The following SORL1 variants were observed in gnomAD, a reference collection of about 807,000 sequenced individuals.
SORL1 encodes the protein sortilin related receptor 1.
Under a neutral mutation model 273.7 loss-of-function variants are expected in SORL1, and 127 were observed. That is an observed-to-expected ratio of 0.46 (90% confidence interval 0.40 to 0.54). The LOEUF (loss-of-function observed/expected upper bound fraction) is 0.54, where lower values mean the gene tolerates loss of function less well. Among genes scored for constraint, SORL1 ranks in the 20% least tolerant of loss-of-function variants. SORL1 has a pLI of 0.00. For missense variants in SORL1, 2,494 were observed against 2,846.1 expected (o/e 0.88, Z 2.81); for synonymous variants, 1,031 against 1,067.4 (o/e 0.97, Z 0.66).
chr11:121,560,910 C>T (rs1406107663), intron 21 of SORL1, among the ~76,000 whole-genome samples: 1 of 152,130 alleles, frequency 6.6e-6, no homozygotes, highest in Non-Finnish European at 1.5e-5. Context: ...CCTTTTGTTG[C>T]AATTCTGCCG....
chr11:121,621,398 A>G (rs1863721947), intron 44 of SORL1, among the ~76,000 whole-genome samples, 160 bp downstream of exon 44: 1 of 152,242 alleles, frequency 6.6e-6, no homozygotes, highest in Non-Finnish European at 1.5e-5. Flanking sequence ...CAGAGGCTCC[A>G]GGGTCTGAGC....
rs144747223 is a variant in SORL1, at chr11:121,619,795, G to A, written c.5767G>A (p.Val1923Ile). 4.1e-5 allele frequency: 66 copies of A among 1,614,076 alleles called. 1 individual carries two copies. In the South Asian group the frequency reaches 6.1e-4, roughly 15 times the overall value. The change falls in exon 43 of 48, where the codon GTT (valine) becomes ATT (isoleucine). Residue 1923 changes from valine (V) to isoleucine (I), a missense_variant. Val to Ile is a conservative substitution (Grantham distance 29). Around this residue, in one of 3 missense-constraint regions of SORL1, gnomAD observed 1,609 missense variants for 1,816.4 expected, o/e 0.89. Coordinates refer to ENST00000260197, the MANE Select transcript of SORL1 (RefSeq NM_003105.6). ...CTACCAGGGGCCATCCTCTGACTACGTTGTAGTGAAGATGATCCCGGACAG... is the reference window on the plus strand; with the variant it reads ...CTACCAGGGGCCATCCTCTGACTACATTGTAGTGAAGATGATCCCGGACAG... ...VPYQGPSSDY[V>I]VVKMIPDSRL...
intron 41 of SORL1, among the ~76,000 whole-genome samples, chr11:121,616,957 A>C (rs1183847475): frequency 1.3e-5 from 2 of 152,206 alleles, no homozygotes. Flanking sequence ...AGGACAACTC[A>C]AAGTGGGCAT....
At chr11:121,486,355 G>A (rs893866221) in intron 3 of SORL1, among the ~76,000 whole-genome samples, 2 of 152,142 alleles carry the variant, frequency 1.3e-5, no homozygotes, top group East Asian at 3.8e-4. Flanking sequence ...CCTCAAGACT[G>A]TCACTGGGTG....
Position 121,589,401 on chromosome 11 carries a change from C to T in SORL1, c.4078+11C>T. 6.2e-7 allele frequency: 1 copy of T among 1,612,300 alleles called. No homozygotes were observed. The highest frequency in any genetic ancestry group is 8.5e-7 in the Non-Finnish European group (1 of 1,178,514). ...ATGAAGCCAACTGCGGTAAGATGTC[C>T]AGTCTGCCTCCTCACATCCTAATCC... is the stretch of plus-strand genomic sequence containing the variant. On this transcript the variant is annotated intron_variant, in intron 29 of 47. Coordinates refer to ENST00000260197, the MANE Select transcript of SORL1 (RefSeq NM_003105.6).
chr11:121,541,454 T>C (rs1459761312), intron 12 of SORL1, among the ~76,000 whole-genome samples: 9 of 152,166 alleles, frequency 5.9e-5, no homozygotes, highest in Non-Finnish European at 1.0e-4. Context: ...AAAAGATCCT[T>C]CTGCCTTGGC....
chr11:121,470,357 T>G (rs1004264534), intron 2 of SORL1, among the ~76,000 whole-genome samples: 1 of 152,192 alleles, frequency 6.6e-6, no homozygotes, highest in African/African-American at 2.4e-5. Flanking sequence ...TGGGAAGTAA[T>G]AGCATATGGA....
rs569170711 is a variant in SORL1 at position 121,573,111 on chromosome 11, G to A, written c.3338-1130G>A. On this transcript the variant is annotated intron_variant, in intron 23 of 47. Transcript: ENST00000260197. ...CACAGGAAATATCTACTTAGGAGAG[G>A]AAGAAAAATCTAATTCTGTATCCAT... Among the ~76,000 whole-genome samples the A allele has an allele frequency of 1.2e-4, 18 of 152,288 alleles. No individual in the cohort carries two copies. In the South Asian group the frequency reaches 3.5e-3, roughly 30 times the overall value.
In SORL1 at chr11:121,555,333, G is replaced by T. The variant is rs6589885; in HGVS notation, c.2571+15G>T. The T allele has an allele frequency of 6.2e-7, 1 of 1,612,578 alleles. No individual in the cohort carries two copies. Among genetic ancestry groups the T allele is most frequent in the Non-Finnish European group, 8.5e-7 (1 of 1,179,030 alleles). The stretch of plus-strand genomic sequence containing the variant: ...AAAAGATTGAGGTATGTGTATTTTC[G>T]TGCTGTTCTTAATTAAGGGAGCAGG... On this transcript the variant is annotated intron_variant, in intron 18 of 47. Coordinates refer to ENST00000260197, the MANE Select transcript of SORL1 (RefSeq NM_003105.6).
In SORL1 at chr11:121,577,871, G is replaced by A. The variant is rs911237087; in HGVS notation, c.3580+471G>A. On this transcript the variant is annotated intron_variant, in intron 25 of 47. Transcript: ENST00000260197. ...ACATGAATGTGCTAGGTGCTATAAG[G>A]TAGGGGTAGTGTTCTCATTCTTTTG... Among the ~76,000 whole-genome samples, 4 of 152,308 alleles carry A rather than the reference G, an allele frequency of 2.6e-5. No individual in the cohort carries two copies. In the East Asian group the frequency reaches 7.7e-4, roughly 29 times the overall value.
chr11:121,487,652 G>A (rs4631890), intron 3 of SORL1, among the ~76,000 whole-genome samples: 72,164 of 152,010 alleles, frequency 0.47, 17,358 homozygotes, highest in Middle Eastern at 0.58. Context: ...AAAGTAGGGC[G>A]TCTGTGTCCC....
chr11:121,486,393 C>G (rs1861472172), intron 3 of SORL1, among the ~76,000 whole-genome samples: 1 of 152,142 alleles, frequency 6.6e-6, no homozygotes, highest in East Asian at 1.9e-4. Flanking sequence ...AATCCCACCA[C>G]TTTAGGAGGC....
At chr11:121,520,071 C>T (rs1053990638) in intron 8 of SORL1, among the ~76,000 whole-genome samples, 9 of 151,978 alleles carry the variant, frequency 5.9e-5, no homozygotes, top group Non-Finnish European at 1.3e-4. Context: ...GGCAACATGG[C>T]GAAACCCCAT....
At chr11:121,622,078 A>G in intron 44 of SORL1, 84 bp from the exon 45 acceptor site, 1 of 804,396 alleles carries the variant, frequency 1.2e-6, no homozygotes, top group South Asian at 1.6e-5. Context: ...GGCTAGCATT[A>G]TTTAATCTCT....
At chr11:121,576,822 G>T in intron 24 of SORL1, 1 of 1,532,092 alleles carries the variant, frequency 6.5e-7, no homozygotes, top group Non-Finnish European at 8.7e-7. Flanking sequence ...TACTCTCTCT[G>T]ACTGAGCATC....
At position 121,452,738 on chromosome 11, in the gene SORL1, C is replaced by A; in HGVS notation, c.285+122C>A. ...GCACCACTGGGGACTTCCCGGCTTG[C>A]ATTTGTTTTTTTCCTTCACGAGTAC... On this transcript the variant is annotated intron_variant, in intron 1 of 47. Transcript: ENST00000260197. This position sits in a 1 kb window ranked among gnomAD's most constrained non-coding sequence, Gnocchi z 5.3. 2.3e-6 allele frequency: 2 copies of A among 886,224 alleles called. No individual in the cohort carries two copies. The highest frequency in any genetic ancestry group is 1.8e-5 in the African/African-American group (1 of 56,612). The allele number at this position is 886,224 out of a possible 1,614,324, so 54.9% of individuals were successfully genotyped here. A position where few individuals can be genotyped will look rare whatever the true frequency, so the allele number is the denominator to read the frequency against.
At position 121,590,857 on chromosome 11, in the gene SORL1, C is replaced by T. The variant is rs781699882; in HGVS notation, c.4214-144C>T. On this transcript the variant is annotated intron_variant, in intron 30 of 47. Coordinates refer to ENST00000260197, the MANE Select transcript of SORL1 (RefSeq NM_003105.6). ...CATTATACATGATTTCTAGATTAGCCGCTGCTCAGAGCTGTGCCAGTCACT... is the reference window on the plus strand; with the variant it reads ...CATTATACATGATTTCTAGATTAGCTGCTGCTCAGAGCTGTGCCAGTCACT... 7.8e-5 allele frequency: 67 copies of T among 857,164 alleles called. No homozygotes were observed. The East Asian group carries it at 1.3e-3, about 16-fold the overall frequency. 53.1% of individuals were successfully genotyped at this position (857,164 alleles called of 1,614,324 possible).
intron 35 of SORL1, among the ~76,000 whole-genome samples, chr11:121,606,370 G>C (rs141049205): frequency 6.6e-6 from 1 of 152,290 alleles, no homozygotes; most frequent in African/African-American, 2.4e-5. Flanking sequence ...ATATGCTAGC[G>C]CTAAACTCAT....
chr11:121,581,493 C>T (rs1465686629), intron 25 of SORL1, among the ~76,000 whole-genome samples: 3 of 152,106 alleles, frequency 2.0e-5, no homozygotes, highest in African/African-American at 7.2e-5. Flanking sequence ...GATTCTTTTT[C>T]TTCCCTAAAT....
Sources: gnomAD v4.1 joint callset for allele counts (sites outside exome capture counted in the v4.1 genomes callset) on GRCh38, gnomAD v4.1.1 for gene constraint, gnomAD v4.1.1 regional missense constraint, Gnocchi (gnomAD v3.1) non-coding constraint, MANE v1.5 for transcripts, NCBI Gene and HGNC (gene_info 2026-07-23, HGNC 2026-07-21) for gene names.